The following IARS1 variants were observed in gnomAD, a reference collection of about 807,000 sequenced individuals.
The protein encoded by IARS1 is isoleucyl-tRNA synthetase 1.
In IARS1, 124 loss-of-function variants were observed where a neutral mutation model predicts 168.2. The observed-to-expected ratio is 0.74, with a 90% CI of 0.64 to 0.86. The LOEUF is 0.86. Among genes scored for constraint, IARS1 ranks in the 40% least tolerant of loss-of-function variants. The pLI is 0.00. For synonymous variants in IARS1, 532 were observed against 529.4 expected (o/e 1.00, Z -0.07); for missense variants, 1,452 against 1,515.8 (o/e 0.96, Z 0.70).
Position 92,271,095 on chromosome 9 carries a change from AT to A in IARS1, c.1114-20del. The A allele has an allele frequency of 6.5e-7, 1 of 1,545,988 alleles. No homozygotes were observed. The highest frequency in any genetic ancestry group is 8.8e-7 in the Non-Finnish European group (1 of 1,130,032). On this transcript the variant is annotated intron_variant, in intron 11 of 33. Transcript: ENST00000443024. ...CAGCATCCTATTAAAAAAAATTAAA[AT>A]TTAGCCATTAAAACATACTATAATA...
intron 20 of IARS1, among the ~76,000 whole-genome samples, chr9:92,255,924 T>C (rs1830651200): frequency 6.6e-6 from 1 of 152,154 alleles, no homozygotes; most frequent in Non-Finnish European, 1.5e-5. Context: ...CTTGAGGTGA[T>C]GGATATCCCA....
chr9:92,230,725 T>C (rs184845146), intron 30 of IARS1, among the ~76,000 whole-genome samples: 1 of 152,356 alleles, frequency 6.6e-6, no homozygotes, highest in East Asian at 1.9e-4. Flanking sequence ...CCATTCTATA[T>C]TCTCACCAGC....
At chr9:92,244,249 G>T (rs1367879335) in intron 27 of IARS1, among the ~76,000 whole-genome samples, 1 of 152,090 alleles carries the variant, frequency 6.6e-6, no homozygotes, top group African/African-American at 2.4e-5. Context: ...TCCCAGCTAC[G>T]ATACCTCCGA....
chr9:92,261,727 A>C (rs1377617516), intron 17 of IARS1, among the ~76,000 whole-genome samples: 1 of 152,086 alleles, frequency 6.6e-6, no homozygotes, highest in Non-Finnish European at 1.5e-5. Flanking sequence ...ATTGCATGCA[A>C]ATCTACAATG....
intron 21 of IARS1, among the ~76,000 whole-genome samples, chr9:92,252,764 C>CAAAAAAAAAAAAAAAAAAAAAA (rs34983021): frequency 3.7e-5 from 1 of 27,236 alleles, no homozygotes; most frequent in African/African-American, 1.5e-4. Flanking sequence ...AACTCCTTCT[C>CAAAAAAAAAAAAAAAAAAAAAA]AAAAAAAAAA....
chr9:92,225,240 G>A (rs547054752), intron 31 of IARS1, among the ~76,000 whole-genome samples: 1 of 152,340 alleles, frequency 6.6e-6, no homozygotes, highest in African/African-American at 2.4e-5. Flanking sequence ...CATCCATGGA[G>A]GTAGAGAATG....
At chr9:92,278,035 CA>C in intron 8 of IARS1, 112 bp from the exon 9 acceptor site, 2 of 1,142,724 alleles carry the variant, frequency 1.8e-6, no homozygotes, top group Non-Finnish European at 2.6e-6. Flanking sequence ...CCTAGCCATT[CA>C]TGCTGTAATG....
At position 92,247,517 on chromosome 9, in the gene IARS1, T is replaced by C. The variant is rs750060090; in HGVS notation, c.2651A>G (p.Asp884Gly). ...TAGCCGAATGCCATACTTGTTTTTA[T>C]CTGTAGACAGTGTAACTTTTCGAAC... is the stretch of plus-strand genomic sequence containing the variant. ...LNVRKVTLST[D>G]KNKYGIRLRA... The change falls in exon 26 of 34, where the codon GAT (aspartate) becomes GGT (glycine). Residue 884 changes from aspartate to glycine, a missense_variant. Transcript: ENST00000443024. 3.1e-6 allele frequency: 5 copies of C among 1,614,012 alleles called. No individual in the cohort carries two copies. The highest frequency in any genetic ancestry group is 4.2e-6 in the Non-Finnish European group (5 of 1,180,032).
Position 92,289,430 on chromosome 9 carries a change from C to T in IARS1, c.-7-4G>A. 1 of 1,157,006 alleles carries T rather than the reference C, an allele frequency of 8.6e-7. No individual in the cohort carries two copies. Among genetic ancestry groups the T allele is most frequent in the Non-Finnish European group, 1.3e-6 (1 of 767,746 alleles). 71.7% of individuals were successfully genotyped at this position (1,157,006 alleles called of 1,614,324 possible). A position where few individuals can be genotyped will look rare whatever the true frequency, so the allele number is the denominator to read the frequency against. ...AACTTGTTGAAGCATTTTGTTGCTG[C>T]AAAAGAAATCAAATTTATTACTGTC... On this transcript the variant is annotated splice_region_variant and splice_polypyrimidine_tract_variant and intron_variant, in intron 1 of 33. Transcript: ENST00000443024.
chr9:92,293,417 G>A (rs368683588), intron 1 of IARS1, 194 bp downstream of exon 1: 2 of 530,676 alleles, frequency 3.8e-6, no homozygotes, highest in Non-Finnish European at 7.7e-6. Context: ...ATTTTAAAAA[G>A]ATTTTACTCA....
In IARS1 at chr9:92,262,941, A is replaced by C. The variant is rs780614421; in HGVS notation, c.1787+28T>G. 5.1e-5 allele frequency: 79 copies of C among 1,537,424 alleles called. No homozygotes were observed. The East Asian group carries it at 1.6e-3, about 32-fold the overall frequency. On this transcript the variant is annotated intron_variant, in intron 17 of 33. Transcript: ENST00000443024. ...TAAGAAACAGTGGAGACAAAGTTCC[A>C]CCCGTCACTACAACAAAGTTGACCT...
intron 9 of IARS1, among the ~76,000 whole-genome samples, chr9:92,275,617 T>C (rs928058244): frequency 1.3e-5 from 2 of 152,242 alleles, no homozygotes; most frequent in African/African-American, 2.4e-5. Context: ...ACATGTTCTA[T>C]ACTTAGAAGC....
At chr9:92,244,631 T>C (rs1828916337) in intron 27 of IARS1, among the ~76,000 whole-genome samples, 2 of 152,182 alleles carry the variant, frequency 1.3e-5, no homozygotes, top group Non-Finnish European at 2.9e-5. Flanking sequence ...CCAGATAACT[T>C]ATCAGGTAGA....
chr9:92,272,065 C>G (rs1272804725), intron 10 of IARS1, among the ~76,000 whole-genome samples: 1 of 152,070 alleles, frequency 6.6e-6, no homozygotes, highest in African/African-American at 2.4e-5. Context: ...TCTGAAAAAC[C>G]AAAAATTTCC....
chr9:92,237,052 G>T (rs1827652857), intron 30 of IARS1, among the ~76,000 whole-genome samples: 1 of 151,956 alleles, frequency 6.6e-6, no homozygotes, highest in Admixed American at 6.6e-5. Context: ...GTTTTCAATT[G>T]CACTGATCTC....
At chr9:92,288,027 C>A (rs895100942) in intron 3 of IARS1, 99 bp downstream of exon 3, 4 of 1,514,424 alleles carry the variant, frequency 2.6e-6, no homozygotes, top group Non-Finnish European at 3.6e-6. Context: ...ACTAGAAGGT[C>A]TGACAGTCAA....
chr9:92,255,003 C>T (rs1200906354), intron 20 of IARS1, among the ~76,000 whole-genome samples: 1 of 152,170 alleles, frequency 6.6e-6, no homozygotes, highest in Non-Finnish European at 1.5e-5. Flanking sequence ...CAACAATCCC[C>T]ACGTTTCCCA....
At position 92,285,791 on chromosome 9, in the gene IARS1, C is replaced by T; in HGVS notation, c.528G>A (p.Val176=). Residue 176 remains valine (V), a synonymous_variant, in exon 6 of 34, where the codon GTG becomes GTA. Coordinates refer to ENST00000443024, the MANE Select transcript of IARS1 (RefSeq NM_002161.6). The stretch of plus-strand genomic sequence containing the variant: ...ATGCCGTAGAGAAGGGCATGACTTT[C>T]ACACCTCTATAAACAAGGCCTTTAT... ...LYDKGLVYRG[V]KVMPFSTACN... 1 of 1,613,580 alleles carries T rather than the reference C, an allele frequency of 6.2e-7. No homozygotes were observed. The highest frequency in any genetic ancestry group is 8.5e-7 in the Non-Finnish European group (1 of 1,179,552).
chr9:92,262,693 A>G (rs1219804800), intron 17 of IARS1, among the ~76,000 whole-genome samples: 1 of 152,228 alleles, frequency 6.6e-6, no homozygotes, highest in African/African-American at 2.4e-5. Context: ...AATAAGATCT[A>G]TAAGCAAAAG....
Sources: allele counts gnomAD v4.1 joint callset (sites outside exome capture counted in the v4.1 genomes callset), GRCh38; gene constraint gnomAD v4.1.1; transcripts MANE v1.5; gene names NCBI Gene and HGNC (gene_info 2026-07-23, HGNC 2026-07-21).